SEMA3A: variants seen among roughly 807,000 people sequenced by gnomAD.
SEMA3A encodes the protein semaphorin-3A.
SEMA3A carries 29 observed loss-of-function variants against 97.9 expected under a neutral mutation model. That is an observed-to-expected ratio of 0.30 (90% CI 0.22 to 0.40). SEMA3A has a LOEUF of 0.40. Ranked by LOEUF, SEMA3A falls within the 10% of genes least tolerant of loss-of-function variation. SEMA3A has a pLI of 1.00. For missense variants in SEMA3A, 763 were observed against 951.3 expected (o/e 0.80, Z 2.60); for synonymous variants, 321 against 323.7 (o/e 0.99, Z 0.09).
intron 14 of SEMA3A, among the ~76,000 whole-genome samples, chr7:83,977,899 G>A (rs1789227886): frequency 6.6e-6 from 1 of 151,026 alleles, no homozygotes; most frequent in Non-Finnish European, 1.5e-5. Flanking sequence ...CGCCTCCCGG[G>A]TTCATGCCAT....
chr7:84,052,823 C>A (rs1006864052), intron 5 of SEMA3A, among the ~76,000 whole-genome samples: 3 of 150,784 alleles, frequency 2.0e-5, no homozygotes, highest in African/African-American at 7.3e-5. Context: ...AATTTTGGAT[C>A]TTTCCTGCTT....
chr7:84,091,171 A>AAGGAAGGAAG (rs1562774294), intron 4 of SEMA3A, among the ~76,000 whole-genome samples: 1 of 53,130 alleles, frequency 1.9e-5, no homozygotes, highest in African/African-American at 5.5e-5. Context: ...AAGGAAGGAA[A>AAGGAAGGAAG]GAAAGAAAGA....
At chr7:84,278,709 G>A (rs918051150) in intron 3 of SEMA3A, among the ~76,000 whole-genome samples, 18 of 151,994 alleles carry the variant, frequency 1.2e-4, no homozygotes, top group African/African-American at 3.6e-4. Flanking sequence ...TTGAGGAGGC[G>A]CCTCACTTTT....
At chr7:83,974,735 T>G (rs1398934850) in intron 15 of SEMA3A, among the ~76,000 whole-genome samples, 1 of 152,100 alleles carries the variant, frequency 6.6e-6, no homozygotes, top group South Asian at 2.1e-4. Flanking sequence ...ATTTGAAATT[T>G]AGTGTAATTT....
chr7:84,445,493 C>CAAAAAAAAAAA (rs61298477), intron 1 of SEMA3A, among the ~76,000 whole-genome samples: 15 of 27,582 alleles, frequency 5.4e-4, no homozygotes, highest in South Asian at 2.3e-3. Flanking sequence ...GACTCCATCT[C>CAAAAAAAAAAA]AAAAAAAAAA....
chr7:84,261,071 C>T (rs183320279), intron 3 of SEMA3A, among the ~76,000 whole-genome samples: 23 of 152,300 alleles, frequency 1.5e-4, no homozygotes, highest in Admixed American at 3.9e-4. Context: ...GGATTACCAA[C>T]TGTGAGAAGG....
intron 1 of SEMA3A, among the ~76,000 whole-genome samples, chr7:84,147,589 T>A (rs188143430): frequency 2.1e-3 from 313 of 152,314 alleles, no homozygotes; most frequent in Non-Finnish European, 3.3e-3. Context: ...GACAGGCTTG[T>A]GTGGCTGGCG....
intron 5 of SEMA3A, among the ~76,000 whole-genome samples, chr7:84,049,582 A>G (rs571905501): frequency 2.0e-5 from 3 of 152,226 alleles, no homozygotes; most frequent in Non-Finnish European, 4.4e-5. Context: ...TAAGAAATTT[A>G]CAGTACCTCA....
chr7:84,447,131 A>C (rs1805435077), intron 1 of SEMA3A, among the ~76,000 whole-genome samples: 1 of 152,112 alleles, frequency 6.6e-6, no homozygotes, highest in Non-Finnish European at 1.5e-5. Context: ...GTGTGCACAC[A>C]TGTGGGGTGG....
chr7:84,031,541 T>C (rs1584570483), intron 6 of SEMA3A, among the ~76,000 whole-genome samples: 2 of 152,212 alleles, frequency 1.3e-5, no homozygotes, highest in Admixed American at 6.5e-5. Flanking sequence ...TTTTTTGTAT[T>C]AAAGTGTCCT....
intron 3 of SEMA3A, among the ~76,000 whole-genome samples, chr7:84,237,472 A>G (rs1343539429): frequency 6.6e-6 from 1 of 152,078 alleles, no homozygotes; most frequent in Non-Finnish European, 1.5e-5. Context: ...AAGAAGGGAG[A>G]GGAGGAAGGA....
intron 11 of SEMA3A, 109 bp downstream of exon 11, chr7:84,005,230 C>T: frequency 2.6e-6 from 2 of 766,174 alleles, no homozygotes; most frequent in African/African-American, 1.7e-5. Context: ...TGTGGATTTT[C>T]AACTGCACAG....
At chr7:84,083,301 TTC>T (rs1794223209) in intron 4 of SEMA3A, among the ~76,000 whole-genome samples, 1 of 152,010 alleles carries the variant, frequency 6.6e-6, no homozygotes, top group East Asian at 1.9e-4. Flanking sequence ...TTTTATTTTT[TTC>T]TTTTTAATTA....
Position 84,194,525 on chromosome 7 carries a change from T to G in SEMA3A, c.62A>C (p.Asn21Thr). The G allele has an allele frequency of 6.2e-7, 1 of 1,613,464 alleles. No individual in the cohort carries two copies. The highest frequency in any genetic ancestry group is 8.5e-7 in the Non-Finnish European group (1 of 1,179,472). ...CACATTGTTCTTCCCATTCTGATAGTTTGCTCTTGCTGTAAGTAATACTCC... is the reference window on the plus strand; with the variant it reads ...CACATTGTTCTTCCCATTCTGATAGGTTGCTCTTGCTGTAAGTAATACTCC... ...FWGVLLTARANYQNGKNNVPR... is the reference protein window; with the variant it reads ...FWGVLLTARATYQNGKNNVPR... The change falls in exon 1 of 17, where the codon AAC becomes ACC. Residue 21 changes from asparagine to threonine, a missense_variant. Coordinates refer to ENST00000265362, the MANE Select transcript of SEMA3A (RefSeq NM_006080.3).
At chr7:84,468,368 G>A (rs940666061) in intron 1 of SEMA3A, among the ~76,000 whole-genome samples, 8 of 152,068 alleles carry the variant, frequency 5.3e-5, no homozygotes, top group South Asian at 4.1e-4. Flanking sequence ...GTGGTAAGAC[G>A]GTCTTATTTA....
At chr7:84,300,519 A>C (rs888820308) in intron 3 of SEMA3A, among the ~76,000 whole-genome samples, 1 of 152,170 alleles carries the variant, frequency 6.6e-6, no homozygotes, top group East Asian at 1.9e-4. Context: ...TTAAATGTTC[A>C]ACAGCAGTAC....
intron 3 of SEMA3A, among the ~76,000 whole-genome samples, chr7:84,266,944 C>T (rs1800021718): frequency 6.6e-6 from 1 of 152,032 alleles, no homozygotes; most frequent in Non-Finnish European, 1.5e-5. Context: ...GTTTTATATT[C>T]TCTAGCTTTA....
At chr7:84,167,712 A>T (rs748529846) in intron 1 of SEMA3A, among the ~76,000 whole-genome samples, 1 of 152,210 alleles carries the variant, frequency 6.6e-6, no homozygotes, top group Non-Finnish European at 1.5e-5. Flanking sequence ...TTAGACAGAT[A>T]CACAGTTTGA....
intron 3 of SEMA3A, among the ~76,000 whole-genome samples, chr7:84,113,729 G>A (rs901324404): frequency 1.3e-5 from 2 of 152,112 alleles, no homozygotes; most frequent in Admixed American, 6.6e-5. Flanking sequence ...CTTCCCAAGA[G>A]TCAGGCAACC....
Sources: allele counts gnomAD v4.1 joint callset (sites outside exome capture counted in the v4.1 genomes callset), GRCh38; gene constraint gnomAD v4.1.1; transcripts MANE v1.5; gene names NCBI Gene and HGNC (gene_info 2026-07-23, HGNC 2026-07-21).